SLAIN2: variants seen among roughly 807,000 people sequenced by gnomAD.
The protein encoded by SLAIN2 is SLAIN family member 2.
SLAIN2 carries 31 observed loss-of-function variants against 56.6 expected under a neutral mutation model. That is an observed-to-expected ratio of 0.55 (90% CI 0.41 to 0.74). The LOEUF (loss-of-function observed/expected upper bound fraction) is 0.74. SLAIN2 is among the 30% of genes least tolerant of loss of function. The pLI, the probability that SLAIN2 is intolerant of heterozygous loss-of-function variation, is 0.00. For missense variants in SLAIN2, 777 were observed against 754.2 expected (o/e 1.03, Z -0.35); for synonymous variants, 317 against 284.9 (o/e 1.11, Z -1.13).
chr4:48,380,526 C>T (rs3943122), intron 4 of SLAIN2, among the ~76,000 whole-genome samples: 116,764 of 152,090 alleles, frequency 0.77, 45,626 homozygotes, highest in African/African-American at 0.91. Context: ...ACTTTTTAGG[C>T]CACAGATACC....
chr4:48,399,201 C>T (rs1377477125), intron 6 of SLAIN2, among the ~76,000 whole-genome samples: 1 of 152,054 alleles, frequency 6.6e-6, no homozygotes. Context: ...TTGTGGTTTT[C>T]CTTGAAGAGG....
intron 6 of SLAIN2, among the ~76,000 whole-genome samples, chr4:48,395,881 A>G (rs992407666): frequency 8.0e-5 from 11 of 137,292 alleles, no homozygotes; most frequent in Admixed American, 4.9e-4. Flanking sequence ...GGAGGCATAT[A>G]AAAACATGAA....
At chr4:48,376,853 C>T (rs1217846130) in intron 2 of SLAIN2, among the ~76,000 whole-genome samples, 3 of 149,996 alleles carry the variant, frequency 2.0e-5, no homozygotes, top group South Asian at 2.1e-4. Flanking sequence ...CCTCGTGATC[C>T]GCCCGCCTCG....
intron 6 of SLAIN2, among the ~76,000 whole-genome samples, chr4:48,407,024 A>G (rs148676821): frequency 5.4e-4 from 82 of 152,138 alleles, no homozygotes; most frequent in Admixed American, 5.2e-3. Context: ...TTCTTTCATT[A>G]TAGAGTAGCA....
At chr4:48,378,107 A>G in intron 3 of SLAIN2, 47 bp downstream of exon 3, 4 of 1,555,528 alleles carry the variant, frequency 2.6e-6, no homozygotes, top group Non-Finnish European at 3.5e-6. Flanking sequence ...TTTTTAGCTT[A>G]CTGCACTGTA....
In SLAIN2 at chr4:48,360,153, C is replaced by CAA. The variant is rs34874508; in HGVS notation, c.390-9682_390-9681dup. Among the ~76,000 whole-genome samples the CAA allele has an allele frequency of 4.5e-3, 534 of 119,704 alleles. 3 individuals are homozygous for CAA. The highest frequency in any genetic ancestry group is 0.014 in the African/African-American group (427 of 29,856). The allele number at this position is 119,704 out of a possible 152,430, so 78.5% of individuals were successfully genotyped here. On this transcript the variant is annotated intron_variant, in intron 1 of 7. Coordinates refer to ENST00000264313, the MANE Select transcript of SLAIN2 (RefSeq NM_020846.2). ...TGGGTGGCAGAGCGAGACTCTGTCT[C>CAA]AAAAAAAAAAAAAAATAGTGGTTAG...
At chr4:48,394,415 T>C (rs1426229609) in intron 6 of SLAIN2, among the ~76,000 whole-genome samples, 1 of 152,246 alleles carries the variant, frequency 6.6e-6, no homozygotes, top group African/African-American at 2.4e-5. Context: ...TAAGCATCAC[T>C]TTAAAATTCT....
intron 7 of SLAIN2, among the ~76,000 whole-genome samples, chr4:48,421,347 C>T (rs1479341599): frequency 3.9e-5 from 6 of 152,074 alleles, no homozygotes; most frequent in Non-Finnish European, 8.8e-5. Context: ...CTGAATCAGA[C>T]AGGTTGGGAA....
At chr4:48,404,825 C>A (rs1165395796) in intron 6 of SLAIN2, among the ~76,000 whole-genome samples, 4 of 152,162 alleles carry the variant, frequency 2.6e-5, no homozygotes, top group Admixed American at 6.5e-5. Context: ...TCCAATCAAC[C>A]TCATTATATT....
intron 1 of SLAIN2, among the ~76,000 whole-genome samples, chr4:48,349,906 G>A (rs1714968116): frequency 6.6e-6 from 1 of 152,160 alleles, no homozygotes; most frequent in Non-Finnish European, 1.5e-5. Flanking sequence ...CCCAAGATAT[G>A]TATTTGATCT....
intron 1 of SLAIN2, among the ~76,000 whole-genome samples, chr4:48,368,051 C>CTTTTTGTTTTTTTTTTTTTTTTTT (rs1715568663): frequency 1.1e-5 from 1 of 88,848 alleles, no homozygotes; most frequent in Non-Finnish European, 2.0e-5. Flanking sequence ...GTTTTTGAGG[C>CTTTTTGTTTTTTTTTTTTTTTTTT]TTTTTTTTTT....
At chr4:48,386,318 T>G (rs923663754) in intron 6 of SLAIN2, among the ~76,000 whole-genome samples, 4 of 152,174 alleles carry the variant, frequency 2.6e-5, no homozygotes, top group Admixed American at 2.6e-4. Context: ...AAGCTTTGAA[T>G]GGCCAAATAA....
Position 48,420,329 on chromosome 4 carries a change from C to T in SLAIN2, c.1565C>T (p.Thr522Ile). ...ANPPSNINSA[T>I]LTRPAGTTAM... is the part of the protein sequence containing the mutation. ...CCTCCCAGCAATATCAACAGCGCTACTCTAACCAGACCTGCAGGGACAACT... is the reference window on the plus strand; with the variant it reads ...CCTCCCAGCAATATCAACAGCGCTATTCTAACCAGACCTGCAGGGACAACT... Residue 522 changes from threonine (T) to isoleucine (I), a missense_variant, in exon 7 of 8, where the codon ACT becomes ATT. Thr to Ile is a moderately conservative substitution (Grantham distance 89). Transcript: ENST00000264313. 6.2e-7 allele frequency: 1 copy of T among 1,614,018 alleles called. No homozygotes were observed. Among genetic ancestry groups the T allele is most frequent in the Admixed American group, 1.7e-5 (1 of 60,026 alleles).
At chr4:48,394,840 T>C (rs1342050435) in intron 6 of SLAIN2, among the ~76,000 whole-genome samples, 1 of 152,196 alleles carries the variant, frequency 6.6e-6, no homozygotes, top group Non-Finnish European at 1.5e-5. Context: ...TACAGAGGTA[T>C]GTATTGGGTT....
At chr4:48,366,953 A>G (rs566591851) in intron 1 of SLAIN2, among the ~76,000 whole-genome samples, 1 of 152,236 alleles carries the variant, frequency 6.6e-6, no homozygotes, top group Non-Finnish European at 1.5e-5. Context: ...AAGAAATTCT[A>G]AAGTGTCAAA....
At chr4:48,349,975 T>G (rs1256210987) in intron 1 of SLAIN2, among the ~76,000 whole-genome samples, 2 of 152,152 alleles carry the variant, frequency 1.3e-5, no homozygotes, top group Non-Finnish European at 2.9e-5. Context: ...AAAAAAAACA[T>G]TTATTGAACT....
Position 48,388,786 on chromosome 4 carries a change from G to C in SLAIN2, c.1360+5002G>C, listed in dbSNP as rs545732957. On this transcript the variant is annotated intron_variant, in intron 6 of 7. Transcript: ENST00000264313. ...GTCAGACCATGATTTGAGATTAACT[G>C]TAAGTATTTTGTGAATTACCACAGA... is the stretch of plus-strand genomic sequence containing the variant. Among the ~76,000 whole-genome samples the C allele has an allele frequency of 2.6e-5, 4 of 152,314 alleles. No individual in the cohort carries two copies. The South Asian group carries it at 6.2e-4, about 24-fold the overall frequency.
At chr4:48,390,267 T>C (rs573571151) in intron 6 of SLAIN2, among the ~76,000 whole-genome samples, 84 of 151,912 alleles carry the variant, frequency 5.5e-4, no homozygotes, top group Non-Finnish European at 1.2e-3. Flanking sequence ...TTAGTAGAGA[T>C]GGAGTTTCAC....
rs148414056 is a variant in SLAIN2, at chr4:48,357,306, A to G, written c.390-12543A>G. On this transcript the variant is annotated intron_variant, in intron 1 of 7. Coordinates refer to ENST00000264313, the MANE Select transcript of SLAIN2 (RefSeq NM_020846.2). Reference sequence around the variant, plus strand: ...AGTAGGTGGGATTGATTGAAACCTTATATTTTATAGTTGGTAAGGCTTAAG... The same window carrying G: ...AGTAGGTGGGATTGATTGAAACCTTGTATTTTATAGTTGGTAAGGCTTAAG... 7.9e-5 allele frequency among the ~76,000 whole-genome samples: 12 copies of G among 151,938 alleles called. No individual in the cohort carries two copies. In the South Asian group the frequency reaches 1.2e-3, roughly 16 times the overall value.
Sources: gnomAD v4.1 joint callset for allele counts (sites outside exome capture counted in the v4.1 genomes callset) on GRCh38, gnomAD v4.1.1 for gene constraint, MANE v1.5 for transcripts, NCBI Gene and HGNC (gene_info 2026-07-23, HGNC 2026-07-21) for gene names.